Variants in UBR2 observed in about 807,000 individuals in gnomAD.
UBR2 encodes the protein ubiquitin protein ligase E3 component n-recognin 2, also known as E3 ubiquitin-protein ligase UBR2.
A neutral mutation model predicts 247.9 loss-of-function variants in UBR2; 92 were observed. The observed-to-expected ratio is 0.37, with a 90% CI of 0.31 to 0.44. The LOEUF (loss-of-function observed/expected upper bound fraction) is 0.44, where lower values mean the gene tolerates loss of function less well. Ranked by LOEUF, UBR2 falls within the 20% of genes least tolerant of loss-of-function variation. The pLI is 1.00. For missense variants in UBR2, 1,613 were observed against 2,112.6 expected (o/e 0.76, Z 4.64); for synonymous variants, 672 against 693.5 (o/e 0.97, Z 0.49).
intron 4 of UBR2, among the ~76,000 whole-genome samples, chr6:42,594,863 C>T (rs1792872148): frequency 6.6e-6 from 1 of 152,074 alleles, no homozygotes; most frequent in South Asian, 2.1e-4. Flanking sequence ...ATAGTAGAGT[C>T]CCACAAAATA....
chr6:42,583,057 C>A (rs1792011473), intron 2 of UBR2, among the ~76,000 whole-genome samples: 1 of 151,978 alleles, frequency 6.6e-6, no homozygotes, highest in Non-Finnish European at 1.5e-5. Flanking sequence ...GAATACAAGT[C>A]CTTCGTCAGA....
chr6:42,577,957 A>C (rs1227662092), intron 2 of UBR2, among the ~76,000 whole-genome samples: 1 of 151,834 alleles, frequency 6.6e-6, no homozygotes, highest in Non-Finnish European at 1.5e-5. Context: ...AATTGTACAT[A>C]TTTATGGGGT....
chr6:42,604,263 G>A (rs1793558690), intron 5 of UBR2, among the ~76,000 whole-genome samples: 1 of 152,138 alleles, frequency 6.6e-6, no homozygotes, highest in Admixed American at 6.5e-5. Flanking sequence ...ATATTAAGAT[G>A]AGGGCTTTAT....
At chr6:42,641,010 C>T (rs1323072746) in intron 16 of UBR2, among the ~76,000 whole-genome samples, 1 of 151,894 alleles carries the variant, frequency 6.6e-6, no homozygotes, top group Non-Finnish European at 1.5e-5. Flanking sequence ...ATTACAGGTG[C>T]GAGCTACCAT....
chr6:42,690,985 G>T lies in UBR2; in HGVS notation c.5127-47G>T, dbSNP rs376646369. 19 of 1,608,254 alleles carry T rather than the reference G, an allele frequency of 1.2e-5. No individual in the cohort carries two copies. The African/African-American group carries it at 2.4e-4, about 20-fold the overall frequency. On this transcript the variant is annotated intron_variant, in intron 46 of 46. Coordinates refer to ENST00000372901, the MANE Select transcript of UBR2 (RefSeq NM_001363705.2). ...TCAGGAAGGGTTGGGTTATAATAGA[G>T]GAATAAACAGAACACATTCTGAGTG...
intron 16 of UBR2, among the ~76,000 whole-genome samples, chr6:42,641,065 AC>A (rs1246467865): frequency 2.0e-5 from 3 of 152,198 alleles, no homozygotes; most frequent in Non-Finnish European, 4.4e-5. Context: ...TGTAAAAAAT[AC>A]CTTCATAGCA....
rs1267623519 is a variant in UBR2 at position 42,673,814 on chromosome 6, G to A, written c.4110G>A (p.Thr1370=). Reference sequence around the variant, plus strand: ...AGGATGACTGTCTTAGGTCATTGACGAGATTTGCCGCAGCACACTGGACAG... The same window carrying A: ...AGGATGACTGTCTTAGGTCATTGACAAGATTTGCCGCAGCACACTGGACAG... ...CRLDDCLRSL[T]RFAAAHWTVA... is the part of the protein sequence containing the mutation. Residue 1370 remains threonine, a synonymous_variant, in exon 37 of 47, where the codon ACG becomes ACA. Coordinates refer to ENST00000372901, the MANE Select transcript of UBR2 (RefSeq NM_001363705.2). 1.1e-5 allele frequency: 17 copies of A among 1,613,866 alleles called. No individual in the cohort carries two copies. Among genetic ancestry groups the A allele is most frequent in the Middle Eastern group, 1.6e-4 (1 of 6,062 alleles).
At chr6:42,668,177 C>T (rs1055509352) in intron 34 of UBR2, among the ~76,000 whole-genome samples, 1 of 152,206 alleles carries the variant, frequency 6.6e-6, no homozygotes, top group African/African-American at 2.4e-5. Flanking sequence ...TGTCACTTCT[C>T]TTGGCCCTGC....
Position 42,632,923 on chromosome 6 carries a change from A to C in UBR2, c.1545+19A>C. ...TATGCAGGTATGTAAAAACTGTTAC[A>C]CTTTTCTTTTTCCTTTTTTTTTTTT... On this transcript the variant is annotated intron_variant, in intron 13 of 46. Coordinates refer to ENST00000372901, the MANE Select transcript of UBR2 (RefSeq NM_001363705.2). 1.5e-6 allele frequency: 2 copies of C among 1,360,536 alleles called. No individual in the cohort carries two copies. The highest frequency in any genetic ancestry group is 1.7e-5 in the South Asian group (1 of 59,282). 84.3% of individuals were successfully genotyped at this position (1,360,536 alleles called of 1,614,324 possible). A position where few individuals can be genotyped will look rare whatever the true frequency, so the allele number is the denominator to read the frequency against.
chr6:42,652,949 CTAAT>C (rs1413943734), intron 25 of UBR2, among the ~76,000 whole-genome samples: 1 of 152,114 alleles, frequency 6.6e-6, no homozygotes, highest in Non-Finnish European at 1.5e-5. Flanking sequence ...TGTTTCTAAT[CTAAT>C]TATTTTCCAA....
intron 38 of UBR2, among the ~76,000 whole-genome samples, chr6:42,675,028 C>T (rs1582709656): frequency 2.0e-5 from 3 of 152,186 alleles, no homozygotes; most frequent in East Asian, 1.9e-4. Context: ...CCAGCAGCCC[C>T]GAGTGCTGTG....
At chr6:42,678,062 T>G (rs549430904) in intron 40 of UBR2, among the ~76,000 whole-genome samples, 20 of 152,150 alleles carry the variant, frequency 1.3e-4, no homozygotes, top group African/African-American at 4.6e-4. Context: ...TTTATAAATT[T>G]TAATAACATC....
chr6:42,657,940 A>G, intron 26 of UBR2, 84 bp from the exon 27 acceptor site: 1 of 979,170 alleles, frequency 1.0e-6, no homozygotes, highest in African/African-American at 1.6e-5. Context: ...TGTTATAAGC[A>G]ACTGCATTTA....
At chr6:42,652,764 A>G in intron 25 of UBR2, 119 bp downstream of exon 25, 3 of 941,954 alleles carry the variant, frequency 3.2e-6, no homozygotes, top group Non-Finnish European at 4.7e-6. Flanking sequence ...TCCTAACTTG[A>G]ATATATTGTT....
chr6:42,617,146 A>T (rs557399471), intron 10 of UBR2: 185 of 1,067,386 alleles, frequency 1.7e-4, no homozygotes, highest in Non-Finnish European at 2.6e-4. Context: ...TAGCAGTGTT[A>T]TCTTCTTGAC....
intron 2 of UBR2, among the ~76,000 whole-genome samples, chr6:42,584,710 T>C (rs764932557): frequency 5.9e-5 from 9 of 152,178 alleles, no homozygotes; most frequent in Non-Finnish European, 1.2e-4. Flanking sequence ...AGTCTTATAG[T>C]TTTTATATAG....
chr6:42,632,951 C>CTTTTTTCTTTTTTTTTTTTTTTTTTTT, intron 13 of UBR2, 47 bp downstream of exon 13: 1 of 941,782 alleles, frequency 1.1e-6, no homozygotes, highest in Non-Finnish European at 1.4e-6. Context: ...TTTTTTTTCT[C>CTTTTTTCTTTTTTTTTTTTTTTTTTTT]TTTTCTCTTT....
intron 30 of UBR2, among the ~76,000 whole-genome samples, chr6:42,660,404 T>G (rs941306823): frequency 2.6e-5 from 4 of 152,088 alleles, no homozygotes; most frequent in African/African-American, 9.7e-5. Flanking sequence ...GGAGATCCAG[T>G]CCGCACATGA....
Position 42,658,674 on chromosome 6 carries a change from G to A in UBR2, c.3092G>A (p.Arg1031Lys), listed in dbSNP as rs1797588748. The change falls in exon 29 of 47, where the codon AGG (arginine) becomes AAG (lysine). Residue 1031 changes from arginine to lysine, a missense_variant. Physicochemically the swap from Arg to Lys is conservative, Grantham distance 26. This residue lies in a region of UBR2 where 1,524 missense variants were observed against 1,967.3 expected (regional missense o/e 0.77). Coordinates refer to ENST00000372901, the MANE Select transcript of UBR2 (RefSeq NM_001363705.2). ...ESSRDKDKAE[R>K]KRKAEIARLR... is the part of the protein sequence containing the mutation. ...TCAAGGGACAAAGACAAAGCTGAGA[G>A]GAAGAGAAAAGCAGAGATTGCCAGA... The A allele has an allele frequency of 1.2e-6, 2 of 1,612,114 alleles. No homozygotes were observed. Among genetic ancestry groups the A allele is most frequent in the Non-Finnish European group, 1.7e-6 (2 of 1,179,372 alleles).
Sources: gnomAD v4.1 joint callset for allele counts (sites outside exome capture counted in the v4.1 genomes callset) on GRCh38, gnomAD v4.1.1 for gene constraint, gnomAD v4.1.1 regional missense constraint, MANE v1.5 for transcripts, NCBI Gene and HGNC (gene_info 2026-07-23, HGNC 2026-07-21) for gene names.